Variants in MPP7 observed in about 807,000 individuals in gnomAD.
MPP7 encodes MAGUK p55 scaffold protein 7.
A neutral mutation model predicts 76.5 loss-of-function variants in MPP7; 60 were observed. The ratio of observed to expected loss-of-function variants is 0.78; its 90% CI spans 0.64 to 0.97. The LOEUF (loss-of-function observed/expected upper bound fraction) is 0.97. Ranked by LOEUF, MPP7 falls within the 50% of genes least tolerant of loss-of-function variation. The pLI, the probability that MPP7 is intolerant of heterozygous loss-of-function variation, is 0.00. For synonymous variants in MPP7, 237 were observed against 244.5 expected (o/e 0.97, Z 0.29); for missense variants, 641 against 694.0 (o/e 0.92, Z 0.86).
chr10:28,204,211 G>T (rs1039533450), intron 2 of MPP7, among the ~76,000 whole-genome samples: 2 of 152,128 alleles, frequency 1.3e-5, no homozygotes, highest in Admixed American at 1.3e-4. Flanking sequence ...GGGAGGCCGA[G>T]GTGGGCAGAT....
At chr10:28,190,083 G>C (rs950289703) in intron 3 of MPP7, among the ~76,000 whole-genome samples, 1 of 152,072 alleles carries the variant, frequency 6.6e-6, no homozygotes, top group Admixed American at 6.5e-5. Flanking sequence ...AGAGATAAAG[G>C]TATTACATAA....
At chr10:28,308,017 G>A (rs1841268657), upstream of MPP7, among the ~76,000 whole-genome samples, 1 of 152,134 alleles carries the variant, frequency 6.6e-6, no homozygotes, top group Non-Finnish European at 1.5e-5. Flanking sequence ...CTCTTGACCT[G>A]AGCAATGCAA....
intron 13 of MPP7, among the ~76,000 whole-genome samples, chr10:28,064,953 A>G (rs1009467465): frequency 3.3e-5 from 5 of 152,316 alleles, no homozygotes; most frequent in African/African-American, 1.2e-4. Context: ...ATATAACACG[A>G]TTAATATCCA....
chr10:28,159,389 T>C (rs1836180771), intron 3 of MPP7, among the ~76,000 whole-genome samples: 2 of 152,234 alleles, frequency 1.3e-5, no homozygotes, highest in South Asian at 4.1e-4. Context: ...TTTAAAAATT[T>C]ATTCACTTAA....
At chr10:28,239,771 C>G (rs1199606847) in intron 1 of MPP7, among the ~76,000 whole-genome samples, 1 of 152,078 alleles carries the variant, frequency 6.6e-6, no homozygotes, top group Non-Finnish European at 1.5e-5. Flanking sequence ...AGAGTTTGAC[C>G]TAATCTTTAA....
At chr10:28,167,059 C>T (rs934651428) in intron 3 of MPP7, among the ~76,000 whole-genome samples, 1 of 152,034 alleles carries the variant, frequency 6.6e-6, no homozygotes, top group Non-Finnish European at 1.5e-5. Flanking sequence ...GCCTGTAATC[C>T]CAGCACTTTA....
At chr10:28,133,951 A>G (rs1218922059) in intron 5 of MPP7, among the ~76,000 whole-genome samples, 1 of 152,106 alleles carries the variant, frequency 6.6e-6, no homozygotes, top group Non-Finnish European at 1.5e-5. Context: ...TTCTTTACCC[A>G]TTATGCCTTT....
intron 1 of MPP7, among the ~76,000 whole-genome samples, chr10:28,268,924 AAAAC>A (rs1564746231): frequency 1.4e-5 from 2 of 138,884 alleles, no homozygotes; most frequent in African/African-American, 5.4e-5. Context: ...GTCTCAAAAA[AAAAC>A]AAAGAAAAAG....
At chr10:28,170,953 A>G (rs895431798) in intron 3 of MPP7, among the ~76,000 whole-genome samples, 1 of 152,198 alleles carries the variant, frequency 6.6e-6, no homozygotes, top group Non-Finnish European at 1.5e-5. Context: ...ATATCAGTAT[A>G]TCATATAATA....
chr10:28,213,770 C>T lies in MPP7; in HGVS notation c.38-11499G>A, dbSNP rs187439052. 4.6e-3 allele frequency among the ~76,000 whole-genome samples: 564 copies of T among 122,962 alleles called. 3 individuals are homozygous for T. Among genetic ancestry groups the T allele is most frequent in the African/African-American group, 0.017 (530 of 31,530 alleles). 80.7% of individuals were successfully genotyped at this position (122,962 alleles called of 152,430 possible). ...TCATGCCATTGCACTCCAACCTGGG[C>T]AACAGAGTGAGACTCTGTCTCAAAA... On this transcript the variant is annotated intron_variant, in intron 2 of 16. Coordinates refer to ENST00000683449, the MANE Select transcript of MPP7 (RefSeq NM_001318170.2).
intron 12 of MPP7, among the ~76,000 whole-genome samples, chr10:28,084,194 C>T (rs1477278572): frequency 1.3e-5 from 2 of 152,112 alleles, no homozygotes; most frequent in African/African-American, 4.8e-5. Flanking sequence ...GTTTCTAAGC[C>T]ATCATTATAA....
At chr10:28,104,446 G>C (rs2133531440) in intron 11 of MPP7, among the ~76,000 whole-genome samples, 1 of 152,294 alleles carries the variant, frequency 6.6e-6, no homozygotes, top group East Asian at 1.9e-4. Context: ...ATTTATGTTA[G>C]CATGTTGCTT....
chr10:28,115,046 G>A (rs1834619270), intron 11 of MPP7, among the ~76,000 whole-genome samples: 1 of 151,914 alleles, frequency 6.6e-6, no homozygotes, highest in Non-Finnish European at 1.5e-5. Flanking sequence ...GATAGTATTA[G>A]TATTAGGGGA....
chr10:28,098,854 GAAGTT>G (rs1853687275), intron 11 of MPP7, among the ~76,000 whole-genome samples: 1 of 151,730 alleles, frequency 6.6e-6, no homozygotes, highest in Non-Finnish European at 1.5e-5. Context: ...TATAATATAA[GAAGTT>G]AAGAATAAGG....
chr10:28,219,646 A>G (rs1293653890), intron 2 of MPP7, among the ~76,000 whole-genome samples: 3 of 152,160 alleles, frequency 2.0e-5, no homozygotes, highest in Non-Finnish European at 4.4e-5. Flanking sequence ...GGGAAAAACA[A>G]ATATGTATTT....
chr10:28,270,929 T>C (rs1840308589), intron 1 of MPP7, among the ~76,000 whole-genome samples: 1 of 152,186 alleles, frequency 6.6e-6, no homozygotes, highest in South Asian at 2.1e-4. Flanking sequence ...CCATTTGTTT[T>C]TTGGACTTTT....
intron 5 of MPP7, among the ~76,000 whole-genome samples, chr10:28,143,163 A>G (rs1315063914): frequency 1.3e-5 from 2 of 152,200 alleles, no homozygotes; most frequent in Non-Finnish European, 2.9e-5. Flanking sequence ...CTGGGAAAAA[A>G]CATTTAATAT....
chr10:28,202,326 C>T (rs1046306663), intron 2 of MPP7, 55 bp from the exon 3 acceptor site: 15 of 1,302,564 alleles, frequency 1.2e-5, no homozygotes, highest in Middle Eastern at 1.9e-4. Flanking sequence ...TCATTAATTT[C>T]GCCTAAGGTG....
At chr10:28,155,065 A>T (rs1475028669) in intron 3 of MPP7, among the ~76,000 whole-genome samples, 2 of 152,208 alleles carry the variant, frequency 1.3e-5, no homozygotes, top group African/African-American at 4.8e-5. Context: ...ACAAACATTA[A>T]AACTGTAATT....
Sources: gnomAD v4.1 joint callset for allele counts (sites outside exome capture counted in the v4.1 genomes callset) on GRCh38, gnomAD v4.1.1 for gene constraint, MANE v1.5 for transcripts, NCBI Gene and HGNC (gene_info 2026-07-23, HGNC 2026-07-21) for gene names.